CELF4: variants seen among roughly 807,000 people sequenced by gnomAD.
CELF4 encodes CUGBP Elav-like family member 4, also known as CUG-BP- and ETR-3-like factor 4.
In CELF4, 18 loss-of-function variants were observed where a neutral mutation model predicts 59.9. That is an observed-to-expected ratio of 0.30 (90% CI 0.21 to 0.45). The LOEUF is 0.45. Ranked by LOEUF, CELF4 falls within the 20% of genes least tolerant of loss-of-function variation. The probability of loss-of-function intolerance (pLI) is 1.00; values close to 1 mark genes in which losing one functional copy is unlikely to be tolerated. For synonymous variants in CELF4, 261 were observed against 267.1 expected, an observed-to-expected ratio of 0.98 and a Z score of 0.22; for missense variants, 456 against 689.0, an observed-to-expected ratio of 0.66 and a Z score of 3.79.
intron 7 of CELF4, 118 bp downstream of exon 7, chr18:37,272,897 GC>G (rs1334347908): frequency 2.0e-6 from 2 of 1,006,378 alleles, no homozygotes; most frequent in African/African-American, 3.2e-5. Context: ...GTCCTCTCGG[GC>G]CCAGACACTA....
At chr18:37,529,474 C>G (rs2099967263) in intron 1 of CELF4, among the ~76,000 whole-genome samples, 1 of 152,222 alleles carries the variant, frequency 6.6e-6, no homozygotes, top group Non-Finnish European at 1.5e-5. Flanking sequence ...GAGGAGCAGG[C>G]AAACCAGGGC....
At chr18:37,437,225 A>G (rs2099695692) in intron 2 of CELF4, among the ~76,000 whole-genome samples, 1 of 152,124 alleles carries the variant, frequency 6.6e-6, no homozygotes, top group Non-Finnish European at 1.5e-5. Context: ...AAGAAAGAAG[A>G]ATGAGAAGGC....
Position 37,254,601 on chromosome 18 carries a change from C to A in CELF4, c.1334-663G>T, listed in dbSNP as rs2067989766. Among the ~76,000 whole-genome samples, 1 of 152,184 alleles carries A rather than the reference C, an allele frequency of 6.6e-6. No individual in the cohort carries two copies. Among genetic ancestry groups the A allele is most frequent in the Non-Finnish European group, 1.5e-5 (1 of 68,016 alleles). On this transcript the variant is annotated intron_variant, in intron 11 of 12. Transcript: ENST00000420428. The surrounding 1 kb of genome is among the most constrained non-coding windows in gnomAD (Gnocchi z 5.1). ...GGCGTCACCTCGCCCCGGGCGCCGT[C>A]GGCACCTCTCTTCTCCACGCCCTGC...
chr18:37,424,424 A>G (rs955395629), intron 2 of CELF4, among the ~76,000 whole-genome samples: 2 of 152,078 alleles, frequency 1.3e-5, no homozygotes, highest in Non-Finnish European at 2.9e-5. Context: ...TGGTGGCAAT[A>G]CCCAGAGAGC....
chr18:37,484,287 A>T (rs765831352), intron 2 of CELF4, among the ~76,000 whole-genome samples: 62 of 152,320 alleles, frequency 4.1e-4, no homozygotes, highest in South Asian at 1.0e-3. Context: ...CACACATAAC[A>T]TGGGGCGATG....
intron 2 of CELF4, among the ~76,000 whole-genome samples, chr18:37,334,783 A>C (rs3865390): frequency 0.66 from 100,533 of 151,544 alleles, 33,515 homozygotes; most frequent in East Asian, 0.83. Flanking sequence ...TTAGGCCTGG[A>C]GAGAGCAGGA....
intron 1 of CELF4, among the ~76,000 whole-genome samples, chr18:37,526,967 T>G (rs535430331): frequency 6.6e-6 from 1 of 152,278 alleles, no homozygotes; most frequent in South Asian, 2.1e-4. Context: ...AGTTGCCTTA[T>G]CTATAAAATG....
At chr18:37,506,969 T>C (rs945107963) in intron 1 of CELF4, among the ~76,000 whole-genome samples, 17 of 152,208 alleles carry the variant, frequency 1.1e-4, no homozygotes, top group African/African-American at 3.6e-4. Context: ...AGGAAACCTG[T>C]ACATTCTTGA....
chr18:37,550,878 C>T (rs1176878114), intron 1 of CELF4, among the ~76,000 whole-genome samples: 11 of 152,248 alleles, frequency 7.2e-5, no homozygotes, highest in East Asian at 3.8e-4. Flanking sequence ...TTAAAAGGCA[C>T]GTGGCAACAG....
chr18:37,444,554 G>A (rs1032909643), intron 2 of CELF4, among the ~76,000 whole-genome samples: 2 of 151,156 alleles, frequency 1.3e-5, no homozygotes, highest in African/African-American at 2.4e-5. Context: ...GGTTACAGCC[G>A]TAATAAACAA....
At chr18:37,311,580 G>A (rs2096649200) in intron 3 of CELF4, among the ~76,000 whole-genome samples, 1 of 152,062 alleles carries the variant, frequency 6.6e-6, no homozygotes. Flanking sequence ...ACGAGGTCAC[G>A]AGTTCGAGAT....
chr18:37,403,901 C>T (rs634827), intron 2 of CELF4, among the ~76,000 whole-genome samples: 5,147 of 152,250 alleles, frequency 0.034, 295 homozygotes, highest in African/African-American at 0.12. Context: ...ATTCTCATTC[C>T]TATTCTCAGA....
At chr18:37,269,372 C>G (rs532522744) in intron 8 of CELF4, among the ~76,000 whole-genome samples, 1 of 152,344 alleles carries the variant, frequency 6.6e-6, no homozygotes, top group African/African-American at 2.4e-5. Context: ...CTATTTCCCT[C>G]TAGTACAGTG....
intron 2 of CELF4, among the ~76,000 whole-genome samples, chr18:37,336,695 C>A (rs115013082): frequency 6.6e-6 from 1 of 152,124 alleles, no homozygotes; most frequent in Non-Finnish European, 1.5e-5. Context: ...CCTCCTGAGG[C>A]GGCCACCAGC....
chr18:37,322,053 C>T (rs2097142205), intron 2 of CELF4, among the ~76,000 whole-genome samples, 172 bp from the exon 3 acceptor site: 3 of 152,250 alleles, frequency 2.0e-5, no homozygotes, highest in Admixed American at 2.0e-4. Flanking sequence ...CTGCCCGTCT[C>T]CCCTCGACGG....
intron 2 of CELF4, 71 bp from the exon 3 acceptor site, chr18:37,321,952 G>T: frequency 1.6e-6 from 2 of 1,260,590 alleles, no homozygotes; most frequent in Non-Finnish European, 2.3e-6. Context: ...CAGCACTCAG[G>T]TGCACAGGTG....
At chr18:37,365,692 G>A (rs1300889153) in intron 2 of CELF4, among the ~76,000 whole-genome samples, 1 of 151,932 alleles carries the variant, frequency 6.6e-6, no homozygotes, top group African/African-American at 2.4e-5. Flanking sequence ...CACCATGTTG[G>A]TCAGACTGGT....
At chr18:37,439,717 T>C (rs1006316624) in intron 2 of CELF4, among the ~76,000 whole-genome samples, 6 of 152,254 alleles carry the variant, frequency 3.9e-5, no homozygotes, top group African/African-American at 1.2e-4. Flanking sequence ...TAGGAACCAA[T>C]TGAGTCCCCT....
rs140342368 is a variant in CELF4 at position 37,341,110 on chromosome 18, A to T, written c.370-19229T>A. Among the ~76,000 whole-genome samples, 1,519 of 152,320 alleles carry T rather than the reference A, an allele frequency of 1.0e-2. 15 individuals carry two copies. Among genetic ancestry groups the T allele is most frequent in the South Asian group, 0.057 (274 of 4,828 alleles). Reference sequence around the variant, plus strand: ...CCAGTGAGGATTCAGTAGGGCACTTAGATAGGAAGTGAGGTTTCAGGGCAG... The same window carrying T: ...CCAGTGAGGATTCAGTAGGGCACTTTGATAGGAAGTGAGGTTTCAGGGCAG... On this transcript the variant is annotated intron_variant, in intron 2 of 12. Coordinates refer to ENST00000420428, the MANE Select transcript of CELF4 (RefSeq NM_020180.4).
Sources: gnomAD v4.1 joint callset for allele counts (sites outside exome capture counted in the v4.1 genomes callset) on GRCh38, gnomAD v4.1.1 for gene constraint, Gnocchi (gnomAD v3.1) non-coding constraint, MANE v1.5 for transcripts, NCBI Gene and HGNC (gene_info 2026-07-23, HGNC 2026-07-21) for gene names.